The following GPR4 variants were observed in gnomAD, a reference collection of about 807,000 sequenced individuals.
GPR4 encodes the protein G protein-coupled receptor 4, also known as G-prodeshotein coupled receptor 4.
In GPR4, 11 loss-of-function variants were observed where a neutral mutation model predicts 17.8. The observed-to-expected ratio is 0.62, with a 90% CI of 0.39 to 1.02. The LOEUF is 1.02. Ranked by LOEUF, GPR4 falls within the 50% of genes least tolerant of loss-of-function variation. The probability of loss-of-function intolerance (pLI) is 0.00; values close to 1 mark genes in which losing one functional copy is unlikely to be tolerated. For missense variants in GPR4, 364 were observed against 495.4 expected (o/e 0.73, Z 2.52); for synonymous variants, 219 against 222.8 (o/e 0.98, Z 0.15).
chr19:45,601,083 C>T (rs1970106358), intron 1 of GPR4, among the ~76,000 whole-genome samples: 1 of 152,098 alleles, frequency 6.6e-6, no homozygotes, highest in African/African-American at 2.4e-5. Flanking sequence ...GCGGATACCC[C>T]CTTGGTGGGC....
At chr19:45,599,447 C>T (rs1568418809) in intron 1 of GPR4, among the ~76,000 whole-genome samples, 1 of 149,644 alleles carries the variant, frequency 6.7e-6, no homozygotes. Context: ...CCCGCCTTCT[C>T]CCTGCAGCCC....
chr19:45,598,418 A>T lies in GPR4; in HGVS notation c.-832+3677T>A, dbSNP rs967638141. On this transcript the variant is annotated intron_variant, in intron 1 of 1. Coordinates refer to ENST00000323040, the MANE Select transcript of GPR4 (RefSeq NM_005282.3). ...GCTGACCTAACTCGGGTACCCGGGCAGGAGACACTTCCGGCAGCCAGAGGA... is the reference window on the plus strand; with the variant it reads ...GCTGACCTAACTCGGGTACCCGGGCTGGAGACACTTCCGGCAGCCAGAGGA... Among the ~76,000 whole-genome samples, 3 of 151,960 alleles carry T rather than the reference A, an allele frequency of 2.0e-5. 1 individual carries two copies. Among genetic ancestry groups the T allele is most frequent in the Admixed American group, 2.0e-4 (3 of 15,238 alleles).
intron 1 of GPR4, among the ~76,000 whole-genome samples, chr19:45,595,450 T>C (rs913029328): frequency 3.3e-5 from 5 of 151,932 alleles, no homozygotes; most frequent in Non-Finnish European, 2.9e-5. Context: ...TCAGGGAGCA[T>C]GGGGAAGCCC....
At position 45,590,794 on chromosome 19, in the gene GPR4, A is replaced by G. The variant is rs1969981720; in HGVS notation, c.1073T>C (p.Leu358Pro). 1 of 1,573,040 alleles carries G rather than the reference A, an allele frequency of 6.4e-7. No individual in the cohort carries two copies. Among genetic ancestry groups the G allele is most frequent in the Non-Finnish European group, 8.6e-7 (1 of 1,158,758 alleles). The change falls in exon 2 of 2, where the codon CTG (leucine) becomes CCG (proline). Residue 358 changes from leucine (L) to proline (P), a missense_variant. Physicochemically the swap from Leu to Pro is moderately conservative, Grantham distance 98. Coordinates refer to ENST00000323040, the MANE Select transcript of GPR4 (RefSeq NM_005282.3). ...ACTCGGGGTTCATTGTGCTGGCGGC[A>G]GCATCTTCAGCTGCACCTGGTCCCC... The part of the protein sequence containing the change: ...SQGDQVQLKM[L>P]PPAQ
chr19:45,593,818 G>A (rs1441669548), intron 1 of GPR4, among the ~76,000 whole-genome samples: 1 of 151,592 alleles, frequency 6.6e-6, no homozygotes, highest in Non-Finnish European at 1.5e-5. Context: ...AACAGCAAAC[G>A]TTAATTGAGC....
intron 1 of GPR4, among the ~76,000 whole-genome samples, chr19:45,600,452 CA>C (rs1466719980): frequency 1.3e-5 from 2 of 152,162 alleles, no homozygotes; most frequent in Non-Finnish European, 2.9e-5. Context: ...CCCTCCCCAC[CA>C]CCATGGTTTT....
In GPR4 at chr19:45,591,239, C is replaced by T; in HGVS notation, c.628G>A (p.Gly210Ser). The T allele has an allele frequency of 1.2e-6, 2 of 1,613,232 alleles. No individual in the cohort carries two copies. The highest frequency in any genetic ancestry group is 1.7e-5 in the Admixed American group (1 of 60,000). ...TCCTGGCGCTCGGTGGACACGCTGC[C>T]CCGCACGGCCCGCAGGATGCCCCGG... ...SYRGILRAVR[G>S]SVSTERQEKA... The change falls in exon 2 of 2, where the codon GGC becomes AGC. Residue 210 changes from glycine to serine, a missense_variant. Transcript: ENST00000323040. The surrounding 1 kb of genome is among the most constrained non-coding windows in gnomAD (Gnocchi z 7.6).
In GPR4 at chr19:45,591,408, CAGGGGCGCCGA is replaced by C; in HGVS notation, c.448_458del (p.Ser150ValfsTer3). On this transcript the variant is annotated frameshift_variant, in exon 2 of 2. Coordinates refer to ENST00000323040, the MANE Select transcript of GPR4 (RefSeq NM_005282.3). LOFTEE classifies it high-confidence loss of function. This position sits in a 1 kb window ranked among gnomAD's most constrained non-coding sequence, Gnocchi z 7.6. ...GGTCTCGGAAGAGCTCGTCATGGAA[CAGGGGCGCCGA>C]GTTGGCGCCCAGCTCCGTGGCCCAG... The C allele has an allele frequency of 1.9e-6, 3 of 1,610,098 alleles. No homozygotes were observed. Among genetic ancestry groups the C allele is most frequent in the Non-Finnish European group, 2.5e-6 (3 of 1,179,102 alleles).
At chr19:45,596,946 C>T (rs556110619) in intron 1 of GPR4, among the ~76,000 whole-genome samples, 1 of 152,214 alleles carries the variant, frequency 6.6e-6, no homozygotes, top group Non-Finnish European at 1.5e-5. Context: ...TCTGTCTGAC[C>T]TGCTGGGGCA....
chr19:45,590,780 A>T lies in GPR4; in HGVS notation c.1087T>A (p.Ter363ArgextTer42). 1 of 1,562,134 alleles carries T rather than the reference A, an allele frequency of 6.4e-7. No homozygotes were observed. Among genetic ancestry groups the T allele is most frequent in the Non-Finnish European group, 8.7e-7 (1 of 1,153,024 alleles). ...GGGGATTCTGTGCCACTCGGGGTTC[A>T]TTGTGCTGGCGGCAGCATCTTCAGC... ...VQLKMLPPAQ* is the reference protein window; with the variant it reads ...VQLKMLPPAQR Residue 363 changes from the stop codon to arginine, a stop_lost, in exon 2 of 2, where the codon TGA becomes AGA. Transcript: ENST00000323040.
intron 1 of GPR4, among the ~76,000 whole-genome samples, chr19:45,593,596 T>C (rs1003004043): frequency 6.6e-6 from 1 of 151,906 alleles, no homozygotes; most frequent in African/African-American, 2.4e-5. Flanking sequence ...AGCATTTTCC[T>C]GCAGAATTCC....
intron 1 of GPR4, among the ~76,000 whole-genome samples, chr19:45,593,950 G>A (rs1170576524): frequency 6.8e-6 from 1 of 148,082 alleles, no homozygotes; most frequent in South Asian, 2.2e-4. Context: ...CACGATCACA[G>A]CTCACAGCAG....
rs569332598 is a variant in GPR4, at chr19:45,592,132, A to G, written c.-266T>C. ...GGTGAGATTAATAAAGAGGTTTTTC[A>G]AGGAGGTTATGTATGGAGTCAGTGT... On this transcript the variant is annotated 5_prime_UTR_variant, in exon 2 of 2. Coordinates refer to ENST00000323040, the MANE Select transcript of GPR4 (RefSeq NM_005282.3). 7 of 419,368 alleles carry G rather than the reference A, an allele frequency of 1.7e-5. No individual in the cohort carries two copies. Among genetic ancestry groups the G allele is most frequent in the African/African-American group, 1.0e-4 (5 of 48,514 alleles). 26.0% of individuals were successfully genotyped at this position (419,368 alleles called of 1,614,324 possible).
In GPR4 at chr19:45,590,294, T is replaced by C. The variant is rs1260020201; in HGVS notation, c.*484A>G. ...GGCTCACATCTCTAATCTGAGCACT[T>C]TGGGAGGCCAAGGCAGGAGGATCTC... is the stretch of plus-strand genomic sequence containing the variant. On this transcript the variant is annotated 3_prime_UTR_variant, in exon 2 of 2. Transcript: ENST00000323040. 3 of 153,934 alleles carry C rather than the reference T, an allele frequency of 1.9e-5. No homozygotes were observed. The highest frequency in any genetic ancestry group is 7.2e-5 in the African/African-American group (3 of 41,536). 9.5% of individuals were successfully genotyped at this position (153,934 alleles called of 1,614,324 possible).
rs895891805 is a variant in GPR4, at chr19:45,591,885, T to C, written c.-19A>G. 1.3e-6 allele frequency: 2 copies of C among 1,537,004 alleles called. No individual in the cohort carries two copies. The highest frequency in any genetic ancestry group is 1.8e-6 in the Non-Finnish European group (2 of 1,139,586). ...TGCCCATGGTGGGCACTTCGGCTTCTGGGGCGCTTCCCCTGGCCCACGGGG... is the reference window on the plus strand; with the variant it reads ...TGCCCATGGTGGGCACTTCGGCTTCCGGGGCGCTTCCCCTGGCCCACGGGG... On this transcript the variant is annotated 5_prime_UTR_variant, in exon 2 of 2. Transcript: ENST00000323040. This position sits in a 1 kb window ranked among gnomAD's most constrained non-coding sequence, Gnocchi z 7.6.
rs1484647301 is a variant in GPR4 at position 45,602,184 on chromosome 19, G to C, written c.-921C>G. On this transcript the variant is annotated 5_prime_UTR_variant, in exon 1 of 2. Transcript: ENST00000323040. ...CTTGACAACGGCGCGGGGACCCAGC[G>C]GATGCCCCCGCGGGGCAGAACAGCG... is the stretch of plus-strand genomic sequence containing the variant. 6.6e-6 allele frequency: 1 copy of C among 152,212 alleles called. No individual in the cohort carries two copies. The highest frequency in any genetic ancestry group is 1.5e-5 in the Non-Finnish European group (1 of 68,038). The allele number at this position is 152,212 out of a possible 1,614,324, so 9.4% of individuals were successfully genotyped here. A position where few individuals can be genotyped will look rare whatever the true frequency, so the allele number is the denominator to read the frequency against.
intron 1 of GPR4, among the ~76,000 whole-genome samples, chr19:45,595,354 G>A (rs1970047554): frequency 6.6e-6 from 1 of 152,044 alleles, no homozygotes; most frequent in Non-Finnish European, 1.5e-5. Context: ...TGGGCTGCCA[G>A]TGGGGACTGG....
intron 1 of GPR4, among the ~76,000 whole-genome samples, chr19:45,596,195 CTTTTCTTCTTTTT>C (rs1970056441): frequency 6.8e-6 from 1 of 146,012 alleles, no homozygotes; most frequent in Non-Finnish European, 1.5e-5. Flanking sequence ...TCTTTCTTTT[CTTTTCTTCTTTTT>C]TTTTTTTTTT....
rs1403689410 is a variant in GPR4, at chr19:45,592,209, A to C, written c.-343T>G. ...CAAAAATTGGTCTCCGGGAGTGTTT[A>C]TGGAGGAGACGAAAGCATCGCTGGG... On this transcript the variant is annotated 5_prime_UTR_variant, in exon 2 of 2. The change abolishes the stop of an existing upstream ORF in the 5' untranslated region. Coordinates refer to ENST00000323040, the MANE Select transcript of GPR4 (RefSeq NM_005282.3). 2 of 252,970 alleles carry C rather than the reference A, an allele frequency of 7.9e-6. No homozygotes were observed. Among genetic ancestry groups the C allele is most frequent in the Non-Finnish European group, 1.6e-5 (2 of 122,696 alleles). 15.7% of individuals were successfully genotyped at this position (252,970 alleles called of 1,614,324 possible).
Sources: allele counts gnomAD v4.1 joint callset (sites outside exome capture counted in the v4.1 genomes callset), GRCh38; gene constraint gnomAD v4.1.1; non-coding constraint Gnocchi (gnomAD v3.1); transcripts MANE v1.5; gene names NCBI Gene and HGNC (gene_info 2026-07-23, HGNC 2026-07-21).